The following MAPK8 variants were observed in gnomAD, a reference collection of about 807,000 sequenced individuals.
MAPK8 encodes the protein mitogen-activated protein kinase 8, also known as JUN N-terminal kinase.
A neutral mutation model predicts 52.9 loss-of-function variants in MAPK8; 13 were observed. That is an observed-to-expected ratio of 0.25 (90% confidence interval 0.16 to 0.39). The LOEUF is 0.39. Among genes scored for constraint, MAPK8 ranks in the 10% least tolerant of loss-of-function variants. The probability of loss-of-function intolerance (pLI) is 1.00; values close to 1 mark genes in which losing one functional copy is unlikely to be tolerated. For missense variants in MAPK8, 300 were observed against 519.2 expected, an observed-to-expected ratio of 0.58 and a Z score of 4.10; for synonymous variants, 191 against 169.8, an observed-to-expected ratio of 1.12 and a Z score of -0.97.
At chr10:48,429,540 A>C (rs1223741071) in intron 10 of MAPK8, among the ~76,000 whole-genome samples, 1 of 152,216 alleles carries the variant, frequency 6.6e-6, no homozygotes, top group Non-Finnish European at 1.5e-5. Flanking sequence ...TTGCCTAGTT[A>C]GTGCTCCTAA....
At chr10:48,372,525 T>G (rs1435629670) in intron 1 of MAPK8, among the ~76,000 whole-genome samples, 1 of 152,006 alleles carries the variant, frequency 6.6e-6, no homozygotes, top group Non-Finnish European at 1.5e-5. Context: ...TAGAGAAGAA[T>G]TTAAATGACC....
chr10:48,357,940 A>T (rs1240898344), intron 1 of MAPK8, among the ~76,000 whole-genome samples: 1 of 152,110 alleles, frequency 6.6e-6, no homozygotes, highest in Non-Finnish European at 1.5e-5. Context: ...ATTTCATGTT[A>T]ATTGAATCAT....
chr10:48,419,355 C>A (rs10508901), intron 5 of MAPK8, among the ~76,000 whole-genome samples: 42,577 of 151,924 alleles, frequency 0.28, 6,430 homozygotes, highest in South Asian at 0.39. Context: ...GTTTTTTGGT[C>A]CTTTGGCTTA....
At chr10:48,333,693 G>C (rs138599516) in intron 1 of MAPK8, among the ~76,000 whole-genome samples, 1 of 119,868 alleles carries the variant, frequency 8.3e-6, no homozygotes, top group East Asian at 2.3e-4. Context: ...GTGGGGACAC[G>C]GGGCAGAGCC....
At chr10:48,409,259 T>C (rs539984292) in intron 3 of MAPK8, among the ~76,000 whole-genome samples, 2 of 152,194 alleles carry the variant, frequency 1.3e-5, no homozygotes, top group Non-Finnish European at 2.9e-5. Flanking sequence ...TTTATTATGG[T>C]GCATATACTG....
chr10:48,351,507 G>C (rs1300072926), intron 1 of MAPK8, among the ~76,000 whole-genome samples: 1 of 151,502 alleles, frequency 6.6e-6, no homozygotes, highest in Admixed American at 6.6e-5. Flanking sequence ...ATGGCACCTC[G>C]CCCTGACACA....
intron 1 of MAPK8, among the ~76,000 whole-genome samples, chr10:48,377,111 A>G (rs1344530415): frequency 2.0e-5 from 3 of 152,092 alleles, no homozygotes; most frequent in Non-Finnish European, 4.4e-5. Context: ...CAAACTAACA[A>G]AAGAACAGAA....
At position 48,410,026 on chromosome 10, in the gene MAPK8, A is replaced by C. The variant is rs780886430; in HGVS notation, c.312-4A>C. The C allele has an allele frequency of 1.7e-5, 27 of 1,603,894 alleles. 1 individual carries two copies. In the South Asian group the frequency reaches 2.9e-4, roughly 18 times the overall value. On this transcript the variant is annotated splice_region_variant and splice_polypyrimidine_tract_variant and intron_variant, in intron 4 of 11. Transcript: ENST00000374189. ...TTAGCTGTTCTCTTTTTTCACTCAT[A>C]AAGTTACATAGTCATGGAGCTCATG...
intron 1 of MAPK8, among the ~76,000 whole-genome samples, chr10:48,314,054 A>G (rs182167869): frequency 3.0e-4 from 45 of 152,220 alleles, no homozygotes; most frequent in Non-Finnish European, 3.8e-4. Context: ...GTGGTATTCC[A>G]TTTGTCTTAC....
intron 1 of MAPK8, among the ~76,000 whole-genome samples, chr10:48,358,937 C>T (rs1198918471): frequency 6.6e-6 from 1 of 152,134 alleles, no homozygotes; most frequent in Non-Finnish European, 1.5e-5. Context: ...TACTTCGGGA[C>T]TTTCTGTTCT....
At chr10:48,367,283 T>C (rs988499783) in intron 1 of MAPK8, among the ~76,000 whole-genome samples, 2 of 152,048 alleles carry the variant, frequency 1.3e-5, no homozygotes, top group Non-Finnish European at 2.9e-5. Flanking sequence ...GGAGGATTGC[T>C]TAAGCCCAGG....
intron 6 of MAPK8, among the ~76,000 whole-genome samples, chr10:48,422,545 TTGTTTAAAAA>T (rs1423691121): frequency 1.3e-5 from 2 of 152,184 alleles, no homozygotes; most frequent in Non-Finnish European, 2.9e-5. Flanking sequence ...CAAAATACTT[TTGTTTAAAAA>T]TGAGCTTTTC....
In MAPK8 at chr10:48,434,934, A is replaced by G. The variant is rs759451457; in HGVS notation, c.1189A>G (p.Asn397Asp). The change falls in exon 12 of 12, where the codon AAT (asparagine) becomes GAT (aspartate). Residue 397 changes from asparagine (N) to aspartate (D), a missense_variant. Around this residue, in one of 3 missense-constraint regions of MAPK8, gnomAD observed 119 missense variants for 154.4 expected, o/e 0.77. Coordinates refer to ENST00000374189, the MANE Select transcript of MAPK8 (RefSeq NM_001323329.2). ...SQHPSSSSSV[N>D]DVSSMSTDPT... ...GCATCCATCATCATCGTCGTCTGTC[A>G]ATGATGTGTCTTCAATGTCAACAGA... 22 of 1,613,488 alleles carry G rather than the reference A, an allele frequency of 1.4e-5. No homozygotes were observed. The East Asian group carries it at 2.7e-4, about 20-fold the overall frequency.
In MAPK8 at chr10:48,326,187, G is replaced by A. The variant is rs78027308; in HGVS notation, c.-50+19366G>A. ...AATTATTAATATTTGGAATCCTTCT[G>A]TGCAGGAGATTTTTATTTTCTCCCA... is the stretch of plus-strand genomic sequence containing the variant. On this transcript the variant is annotated intron_variant, in intron 1 of 11. Transcript: ENST00000374189. 2.6e-3 allele frequency among the ~76,000 whole-genome samples: 402 copies of A among 152,232 alleles called. 2 individuals carry two copies. Among genetic ancestry groups the A allele is most frequent in the African/African-American group, 9.1e-3 (379 of 41,524 alleles).
intron 1 of MAPK8, among the ~76,000 whole-genome samples, chr10:48,363,418 A>G (rs1023246777): frequency 1.3e-5 from 2 of 152,134 alleles, no homozygotes; most frequent in South Asian, 2.1e-4. Context: ...TGTTTTATAA[A>G]TTATGTGTGG....
chr10:48,350,319 A>G (rs527611054), intron 1 of MAPK8, among the ~76,000 whole-genome samples: 3 of 152,324 alleles, frequency 2.0e-5, no homozygotes, highest in African/African-American at 7.2e-5. Flanking sequence ...CAACAAAAAA[A>G]GAAAATTTCA....
intron 1 of MAPK8, among the ~76,000 whole-genome samples, chr10:48,375,466 G>A (rs1013154071): frequency 6.8e-6 from 1 of 146,954 alleles, no homozygotes; most frequent in Admixed American, 6.9e-5. Context: ...GTTTGCAGAT[G>A]ACATGATTGT....
intron 1 of MAPK8, among the ~76,000 whole-genome samples, chr10:48,344,437 T>C (rs1564508625): frequency 6.6e-6 from 1 of 152,238 alleles, no homozygotes; most frequent in Admixed American, 6.5e-5. Flanking sequence ...ATCAGGTACA[T>C]AACCAAAGCA....
At chr10:48,324,048 G>A (rs1176213253) in intron 1 of MAPK8, among the ~76,000 whole-genome samples, 1 of 152,182 alleles carries the variant, frequency 6.6e-6, no homozygotes, top group East Asian at 1.9e-4. Flanking sequence ...AGAATGTTCA[G>A]ACATACACAT....
Sources: allele counts gnomAD v4.1 joint callset (sites outside exome capture counted in the v4.1 genomes callset), GRCh38; gene constraint gnomAD v4.1.1; regional missense constraint gnomAD v4.1.1; transcripts MANE v1.5; gene names NCBI Gene and HGNC (gene_info 2026-07-23, HGNC 2026-07-21).